Variants in RBM6 observed in about 807,000 individuals in gnomAD.
RBM6 encodes RNA binding motif protein 6, also known as RNA-binding protein 6.
A neutral mutation model predicts 140.4 loss-of-function variants in RBM6; 23 were observed. The ratio of observed to expected loss-of-function variants is 0.16; its 90% CI spans 0.12 to 0.23. RBM6 has a LOEUF of 0.23. Among genes scored for constraint, RBM6 ranks in the 10% least tolerant of loss-of-function variants. The pLI, the probability that RBM6 is intolerant of heterozygous loss-of-function variation, is 1.00. For missense variants in RBM6, 1,139 were observed against 1,386.7 expected (o/e 0.82, Z 2.84); for synonymous variants, 439 against 475.6 (o/e 0.92, Z 1.00).
chr3:49,996,186 A>G (rs1174707851), intron 5 of RBM6, among the ~76,000 whole-genome samples: 5 of 152,164 alleles, frequency 3.3e-5, no homozygotes, highest in African/African-American at 1.2e-4. Flanking sequence ...TTAAAGCAAT[A>G]TATTTTCATA....
intron 6 of RBM6, among the ~76,000 whole-genome samples, chr3:50,021,875 G>A (rs1285647737): frequency 6.8e-6 from 1 of 147,580 alleles, no homozygotes; most frequent in African/African-American, 2.5e-5. Context: ...CTGCCTAGCC[G>A]GGTGAGATTT....
chr3:49,984,648 ATCGCATCGCATCGCATTG>A (rs2085478651), intron 5 of RBM6, among the ~76,000 whole-genome samples: 3 of 148,128 alleles, frequency 2.0e-5, no homozygotes, highest in Non-Finnish European at 3.0e-5. Flanking sequence ...ATCGCATCGC[ATCGCATCGCATCGCATTG>A]CATCACATCA....
chr3:49,943,284 T>G (rs1401822988), intron 1 of RBM6, among the ~76,000 whole-genome samples: 1 of 151,800 alleles, frequency 6.6e-6, no homozygotes, highest in Non-Finnish European at 1.5e-5. Flanking sequence ...TATATGGTAA[T>G]TATTATTATT....
intron 5 of RBM6, among the ~76,000 whole-genome samples, chr3:49,997,966 C>T (rs2086160741): frequency 6.6e-6 from 1 of 152,242 alleles, no homozygotes; most frequent in Non-Finnish European, 1.5e-5. Flanking sequence ...TTTTAATCCA[C>T]GTTGGTCAAA....
intron 5 of RBM6, among the ~76,000 whole-genome samples, chr3:49,988,909 T>C (rs1445467240): frequency 6.6e-6 from 1 of 151,764 alleles, no homozygotes; most frequent in Non-Finnish European, 1.5e-5. Flanking sequence ...ATTGCACCAC[T>C]GCACTCCAAC....
chr3:49,940,156 T>G lies in RBM6; in HGVS notation c.-136T>G, dbSNP rs551101344. 1 of 152,322 alleles carries G rather than the reference T, an allele frequency of 6.6e-6. No homozygotes were observed. The highest frequency in any genetic ancestry group is 1.5e-5 in the Non-Finnish European group (1 of 68,252). The allele number at this position is 152,322 out of a possible 1,614,324, so 9.4% of individuals were successfully genotyped here. Reference sequence around the variant, plus strand: ...GCCCCGCGCGGAGGAAGTTCCGGTGTCCGCGGCGCTGGGTCGGTGGCGGAG... The same window carrying G: ...GCCCCGCGCGGAGGAAGTTCCGGTGGCCGCGGCGCTGGGTCGGTGGCGGAG... On this transcript the variant is annotated 5_prime_UTR_variant, in exon 1 of 21. Coordinates refer to ENST00000266022, the MANE Select transcript of RBM6 (RefSeq NM_005777.3).
chr3:50,061,343 AG>A, intron 13 of RBM6, 118 bp from the exon 14 acceptor site: 1 of 1,583,880 alleles, frequency 6.3e-7, no homozygotes, highest in Non-Finnish European at 8.6e-7. Flanking sequence ...ATCCAGAGAG[AG>A]GCATCTGTAG....
intron 5 of RBM6, among the ~76,000 whole-genome samples, chr3:49,984,655 CGCATCGCATT>C (rs1426401323): frequency 6.9e-5 from 10 of 144,076 alleles, no homozygotes; most frequent in South Asian, 2.2e-4. Flanking sequence ...CGCATCGCAT[CGCATCGCATT>C]GCATCACATC....
Position 50,024,898 on chromosome 3 carries a change from G to A in RBM6, c.1558-23347G>A, listed in dbSNP as rs144240080. On this transcript the variant is annotated intron_variant, in intron 6 of 20. Transcript: ENST00000266022. The stretch of plus-strand genomic sequence containing the variant: ...CCCAGCTACTTGAGATGCTGAAACA[G>A]GAGAGTGGCGTGAACTTGGGAGATG... 7.0e-3 allele frequency among the ~76,000 whole-genome samples: 1,064 copies of A among 152,138 alleles called. 15 individuals are homozygous for A. Among genetic ancestry groups the A allele is most frequent in the African/African-American group, 0.024 (1,013 of 41,510 alleles).
chr3:49,941,773 G>A (rs538815634), intron 1 of RBM6, among the ~76,000 whole-genome samples: 1 of 150,984 alleles, frequency 6.6e-6, no homozygotes, highest in Admixed American at 6.6e-5. Context: ...TCGCTATGTT[G>A]GCCAGGCTGG....
chr3:49,998,086 A>G (rs1254607923), intron 5 of RBM6, among the ~76,000 whole-genome samples: 1 of 152,232 alleles, frequency 6.6e-6, no homozygotes, highest in Non-Finnish European at 1.5e-5. Context: ...ACAAGAATCA[A>G]CCTATACCAT....
rs958080345 is a variant in RBM6, at chr3:50,061,251, T to C, written c.2353+30T>C. 5.0e-6 allele frequency: 8 copies of C among 1,613,316 alleles called. 1 individual carries two copies. The South Asian group carries it at 5.5e-5, about 11-fold the overall frequency. Reference sequence around the variant, plus strand: ...GTAACCTTTGTTTTATTTCTGTTGCTCTTTTTTGCTTGACTTGCTACTCAT... The same window carrying C: ...GTAACCTTTGTTTTATTTCTGTTGCCCTTTTTTGCTTGACTTGCTACTCAT... On this transcript the variant is annotated intron_variant, in intron 13 of 20. Coordinates refer to ENST00000266022, the MANE Select transcript of RBM6 (RefSeq NM_005777.3).
intron 6 of RBM6, among the ~76,000 whole-genome samples, chr3:50,023,234 C>T (rs2087609316): frequency 6.6e-6 from 1 of 152,028 alleles, no homozygotes; most frequent in African/African-American, 2.4e-5. Flanking sequence ...TCTTCTTCTT[C>T]TTTCTTCTTT....
At position 50,077,032 on chromosome 3, in the gene RBM6, A is replaced by T. The variant is rs1272535270; in HGVS notation, c.3271A>T (p.Ser1091Cys). ...GGCTGAAGGCCGGATGAGGGGCCCC[A>T]GTGTTGGAGCCTCAGGAAGAACCAG... ...EEAEGRMRGP[S>C]VGASGRTSKR... Residue 1091 changes from serine to cysteine, a missense_variant, in exon 21 of 21, where the codon AGT becomes TGT. Physicochemically the swap from Ser to Cys is moderately radical, Grantham distance 112 (BLOSUM62 -1). Transcript: ENST00000266022. 1.2e-6 allele frequency: 2 copies of T among 1,611,956 alleles called. No homozygotes were observed. The highest frequency in any genetic ancestry group is 2.7e-5 in the African/African-American group (2 of 74,820).
chr3:49,973,019 C>T (rs375084907), intron 4 of RBM6, among the ~76,000 whole-genome samples: 1 of 152,090 alleles, frequency 6.6e-6, no homozygotes, highest in East Asian at 1.9e-4. Flanking sequence ...TTAGTAGAGA[C>T]GGAGTTTCAC....
chr3:50,038,739 A>G (rs1450625751), intron 6 of RBM6, among the ~76,000 whole-genome samples: 1 of 152,228 alleles, frequency 6.6e-6, no homozygotes, highest in East Asian at 1.9e-4. Flanking sequence ...AGGCTGAGAC[A>G]GGAGAATGGC....
chr3:49,972,921 C>T (rs926755132), intron 4 of RBM6, among the ~76,000 whole-genome samples: 13 of 151,554 alleles, frequency 8.6e-5, no homozygotes, highest in Non-Finnish European at 1.2e-4. Flanking sequence ...ACCTCCACCT[C>T]CCCAGTTCAA....
chr3:49,995,840 A>G (rs1276963218), intron 5 of RBM6, among the ~76,000 whole-genome samples: 3 of 152,172 alleles, frequency 2.0e-5, no homozygotes, highest in Non-Finnish European at 2.9e-5. Context: ...CAGAATGTTT[A>G]GGTCTTTGGG....
At chr3:49,956,051 G>C (rs994185227) in intron 1 of RBM6, among the ~76,000 whole-genome samples, 1 of 148,274 alleles carries the variant, frequency 6.7e-6, no homozygotes, top group African/African-American at 2.5e-5. Flanking sequence ...GAGAGCATGA[G>C]ACTGTTGCCT....
Sources: gnomAD v4.1 joint callset for allele counts (sites outside exome capture counted in the v4.1 genomes callset) on GRCh38, gnomAD v4.1.1 for gene constraint, MANE v1.5 for transcripts, NCBI Gene and HGNC (gene_info 2026-07-23, HGNC 2026-07-21) for gene names.